ATF6: variants seen among roughly 807,000 people sequenced by gnomAD.
ATF6 encodes cyclic AMP-dependent transcription factor ATF-6 alpha.
ATF6 carries 53 observed loss-of-function variants against 83.6 expected under a neutral mutation model. That is an observed-to-expected ratio of 0.63 (90% CI 0.51 to 0.80). The LOEUF is 0.80. ATF6 is among the 30% of genes least tolerant of loss of function. The pLI is 0.00. For synonymous variants in ATF6, 288 were observed against 285.8 expected (o/e 1.01, Z -0.08); for missense variants, 744 against 797.9 (o/e 0.93, Z 0.81).
intron 7 of ATF6, among the ~76,000 whole-genome samples, chr1:161,809,398 A>G (rs1056479311): frequency 6.6e-6 from 1 of 152,192 alleles, no homozygotes; most frequent in Non-Finnish European, 1.5e-5. Context: ...GCTGCATAGT[A>G]TTCCATGGTG....
At chr1:161,908,043 G>T (rs544510918) in intron 14 of ATF6, among the ~76,000 whole-genome samples, 1 of 152,212 alleles carries the variant, frequency 6.6e-6, no homozygotes, top group East Asian at 1.9e-4. Flanking sequence ...ATTAGTTTAT[G>T]TAATATTTTA....
At chr1:161,811,811 C>G (rs1685471169) in intron 7 of ATF6, among the ~76,000 whole-genome samples, 1 of 151,948 alleles carries the variant, frequency 6.6e-6, no homozygotes, top group African/African-American at 2.4e-5. Context: ...AATTTTTTTC[C>G]TGAACTATTT....
intron 14 of ATF6, among the ~76,000 whole-genome samples, chr1:161,872,616 G>A (rs1449712742): frequency 6.6e-6 from 1 of 151,526 alleles, no homozygotes; most frequent in Admixed American, 6.6e-5. Flanking sequence ...GGTCAAGGAA[G>A]AGTTCAGAAA....
At chr1:161,877,663 C>T (rs561165561) in intron 14 of ATF6, among the ~76,000 whole-genome samples, 2 of 152,138 alleles carry the variant, frequency 1.3e-5, no homozygotes, top group African/African-American at 4.8e-5. Flanking sequence ...CAGAATAACA[C>T]GAATGATTTA....
Position 161,910,083 on chromosome 1 carries a change from A to T in ATF6, c.1720-2213A>T, listed in dbSNP as rs755319457. On this transcript the variant is annotated intron_variant, in intron 14 of 15. Coordinates refer to ENST00000367942, the MANE Select transcript of ATF6 (RefSeq NM_007348.4). ...AGTAAGATGAACACAGAGAGAAAGT[A>T]ATGATTCAGGATTCATTGTTGTGAG... Among the ~76,000 whole-genome samples the T allele has an allele frequency of 1.3e-3, 203 of 152,370 alleles. 2 individuals carry two copies. Among genetic ancestry groups the T allele is most frequent in the Admixed American group, 1.2e-3 (19 of 15,308 alleles).
At chr1:161,840,935 A>G (rs1369123149) in intron 9 of ATF6, among the ~76,000 whole-genome samples, 3 of 152,308 alleles carry the variant, frequency 2.0e-5, no homozygotes, top group African/African-American at 7.2e-5. Context: ...GATTTAAGCA[A>G]TTATACAAAG....
At chr1:161,863,828 A>G (rs1297623174) in intron 14 of ATF6, among the ~76,000 whole-genome samples, 1 of 152,254 alleles carries the variant, frequency 6.6e-6, no homozygotes, top group East Asian at 1.9e-4. Context: ...AATGTGTTAG[A>G]TAATCAGTTA....
intron 6 of ATF6, among the ~76,000 whole-genome samples, chr1:161,797,097 C>A (rs1685038956): frequency 1.3e-5 from 2 of 152,078 alleles, no homozygotes; most frequent in South Asian, 4.1e-4. Context: ...GTAATTTCTG[C>A]ATTTTATATG....
intron 10 of ATF6, among the ~76,000 whole-genome samples, chr1:161,848,002 TG>T (rs529554162): frequency 1.1e-3 from 164 of 152,236 alleles, no homozygotes; most frequent in Non-Finnish European, 2.0e-3. Flanking sequence ...AATGACTTTC[TG>T]GCTGAAATTT....
chr1:161,856,309 A>G (rs1686759074), intron 12 of ATF6, among the ~76,000 whole-genome samples: 1 of 152,158 alleles, frequency 6.6e-6, no homozygotes, highest in Admixed American at 6.5e-5. Context: ...TATAGTAGGC[A>G]ACTTTATTGG....
chr1:161,851,663 A>G, intron 10 of ATF6, 59 bp from the exon 11 acceptor site: 1 of 1,198,582 alleles, frequency 8.3e-7, no homozygotes, highest in Non-Finnish European at 1.2e-6. Context: ...ATTTTCTTAT[A>G]GCAAACTTCT....
intron 14 of ATF6, among the ~76,000 whole-genome samples, chr1:161,889,575 A>C (rs1687505787): frequency 6.6e-6 from 1 of 152,196 alleles, no homozygotes; most frequent in African/African-American, 2.4e-5. Flanking sequence ...ATTTCATCAG[A>C]CGTGTATTGA....
chr1:161,856,990 A>G (rs1351900043), intron 12 of ATF6, among the ~76,000 whole-genome samples: 6 of 152,318 alleles, frequency 3.9e-5, no homozygotes, highest in Non-Finnish European at 8.8e-5. Context: ...AATCTTAGCT[A>G]CTATAGAAGG....
At chr1:161,831,743 A>T (rs1157611129) in intron 9 of ATF6, among the ~76,000 whole-genome samples, 1 of 131,070 alleles carries the variant, frequency 7.6e-6, no homozygotes, top group Non-Finnish European at 1.6e-5. Context: ...GGAACTGAAC[A>T]GTGAGAGCAG....
intron 9 of ATF6, among the ~76,000 whole-genome samples, chr1:161,829,214 T>C (rs1455592561): frequency 6.9e-6 from 1 of 144,478 alleles, no homozygotes; most frequent in Non-Finnish European, 1.5e-5. Flanking sequence ...TTTTTTTTTT[T>C]GGTGAGACGG....
chr1:161,785,975 C>CCT (rs1684738350), intron 4 of ATF6, among the ~76,000 whole-genome samples: 1 of 142,182 alleles, frequency 7.0e-6, no homozygotes, highest in Non-Finnish European at 1.5e-5. Flanking sequence ...AATTTTTGTT[C>CCT]TTTTTTTTTT....
At chr1:161,851,137 A>AACACAC (rs778383452) in intron 10 of ATF6, among the ~76,000 whole-genome samples, 4 of 77,780 alleles carry the variant, frequency 5.1e-5, no homozygotes, top group South Asian at 9.4e-4. Flanking sequence ...CCCTATCCTT[A>AACACAC]ACATACACAC....
At chr1:161,886,294 G>A (rs1048799276) in intron 14 of ATF6, among the ~76,000 whole-genome samples, 1 of 152,216 alleles carries the variant, frequency 6.6e-6, no homozygotes, top group Admixed American at 6.5e-5. Context: ...TGCATTTCAG[G>A]AAGATAACTC....
chr1:161,948,528 T>C (rs1226193648), intron 15 of ATF6, among the ~76,000 whole-genome samples: 1 of 152,246 alleles, frequency 6.6e-6, no homozygotes, highest in Non-Finnish European at 1.5e-5. Context: ...AAAAAAATCC[T>C]ACTGTTGTCC....
Sources: allele counts gnomAD v4.1 joint callset (sites outside exome capture counted in the v4.1 genomes callset), GRCh38; gene constraint gnomAD v4.1.1; transcripts MANE v1.5; gene names NCBI Gene and HGNC (gene_info 2026-07-23, HGNC 2026-07-21).